Variants in RFX3 observed in about 807,000 individuals in gnomAD.
The protein encoded by RFX3 is regulatory factor X3.
Under a neutral mutation model 98.6 loss-of-function variants are expected in RFX3, and 14 were observed. That is an observed-to-expected ratio of 0.14 (90% CI 0.09 to 0.22). The LOEUF (loss-of-function observed/expected upper bound fraction) is 0.22, where lower values mean the gene tolerates loss of function less well. RFX3 is among the 10% of genes least tolerant of loss of function. The probability of loss-of-function intolerance (pLI) is 1.00; values close to 1 mark genes in which losing one functional copy is unlikely to be tolerated. For missense variants in RFX3, 639 were observed against 926.9 expected, an observed-to-expected ratio of 0.69 and a Z score of 4.03; for synonymous variants, 383 against 328.4, an observed-to-expected ratio of 1.17 and a Z score of -1.80.
intron 7 of RFX3, among the ~76,000 whole-genome samples, chr9:3,287,114 T>G (rs937432049): frequency 1.3e-5 from 2 of 151,946 alleles, no homozygotes; most frequent in African/African-American, 4.8e-5. Flanking sequence ...GTCTTATCTC[T>G]GCATGCAGGG....
At chr9:3,378,960 T>C (rs1436613773) in intron 2 of RFX3, among the ~76,000 whole-genome samples, 1 of 152,220 alleles carries the variant, frequency 6.6e-6, no homozygotes, top group African/African-American at 2.4e-5. Flanking sequence ...GAAATTATAG[T>C]TTAAAAATTG....
intron 3 of RFX3, among the ~76,000 whole-genome samples, chr9:3,344,002 T>G (rs1370792945): frequency 6.6e-6 from 1 of 152,186 alleles, no homozygotes; most frequent in Non-Finnish European, 1.5e-5. Context: ...AGAACCTACC[T>G]TACAAATGCT....
At chr9:3,296,785 CCTG>C (rs1828046401) in intron 5 of RFX3, among the ~76,000 whole-genome samples, 2 of 151,916 alleles carry the variant, frequency 1.3e-5, no homozygotes, top group South Asian at 2.1e-4. Context: ...TTGCTGTAGC[CCTG>C]CAGGTCCCAG....
intron 4 of RFX3, among the ~76,000 whole-genome samples, chr9:3,321,051 T>A (rs565627193): frequency 6.6e-6 from 1 of 151,752 alleles, no homozygotes; most frequent in Non-Finnish European, 1.5e-5. Flanking sequence ...TACAGGCATG[T>A]GCCACCAAAC....
At chr9:3,508,249 A>C (rs774848832) in intron 1 of RFX3, among the ~76,000 whole-genome samples, 1 of 151,970 alleles carries the variant, frequency 6.6e-6, no homozygotes, top group Non-Finnish European at 1.5e-5. Context: ...TCTAGTATTT[A>C]GTTACTCTGG....
intron 1 of RFX3, among the ~76,000 whole-genome samples, chr9:3,396,538 T>C (rs1840899373): frequency 6.6e-6 from 1 of 152,214 alleles, no homozygotes. Context: ...TGACTTATAA[T>C]CCTTTGGGTA....
At position 3,277,464 on chromosome 9, in the gene RFX3, A is replaced by G. The variant is rs1825380837; in HGVS notation, c.852-3T>C. On this transcript the variant is annotated splice_region_variant and splice_polypyrimidine_tract_variant and intron_variant, in intron 7 of 16. Coordinates refer to ENST00000617270, the MANE Select transcript of RFX3 (RefSeq NM_001282116.2). Reference sequence around the variant, plus strand: ...CCACTTTCTGCATAGGCTTGTACCTAAAAATATTAGATGGAAAAAAACAAA... The same window carrying G: ...CCACTTTCTGCATAGGCTTGTACCTGAAAATATTAGATGGAAAAAAACAAA... The G allele has an allele frequency of 1.9e-6, 3 of 1,609,854 alleles. No individual in the cohort carries two copies. Among genetic ancestry groups the G allele is most frequent in the Non-Finnish European group, 2.5e-6 (3 of 1,177,256 alleles).
intron 5 of RFX3, among the ~76,000 whole-genome samples, chr9:3,298,354 T>C (rs1309688291): frequency 1.3e-5 from 2 of 151,794 alleles, no homozygotes; most frequent in African/African-American, 4.8e-5. Flanking sequence ...CACATATATA[T>C]CTACTTGAAG....
At chr9:3,233,941 C>G (rs1334586032) in intron 15 of RFX3, among the ~76,000 whole-genome samples, 6 of 152,170 alleles carry the variant, frequency 3.9e-5, no homozygotes, top group Non-Finnish European at 4.4e-5. Flanking sequence ...ATCAGTCCGA[C>G]TCTACTATCC....
chr9:3,220,566 C>T lies in RFX3; in HGVS notation c.*4476G>A, dbSNP rs1156290303. The T allele has an allele frequency of 6.6e-6, 1 of 151,842 alleles. No homozygotes were observed. The highest frequency in any genetic ancestry group is 1.9e-4 in the East Asian group (1 of 5,168). 9.4% of individuals were successfully genotyped at this position (151,842 alleles called of 1,614,324 possible). A position where few individuals can be genotyped will look rare whatever the true frequency, so the allele number is the denominator to read the frequency against. The stretch of plus-strand genomic sequence containing the variant: ...AATATTTGGGAATAAATATATCAAG[C>T]CCTCTTGAAGAAAAATTAAGAGTTG... On this transcript the variant is annotated 3_prime_UTR_variant, in exon 17 of 17. Transcript: ENST00000617270.
intron 1 of RFX3, among the ~76,000 whole-genome samples, chr9:3,487,236 G>A (rs1315996365): frequency 6.6e-6 from 1 of 152,084 alleles, no homozygotes; most frequent in Non-Finnish European, 1.5e-5. Context: ...TAAATACCAG[G>A]CTTGGGGTTA....
At chr9:3,231,940 G>A (rs746946788) in intron 15 of RFX3, among the ~76,000 whole-genome samples, 14 of 152,034 alleles carry the variant, frequency 9.2e-5, no homozygotes, top group Non-Finnish European at 1.8e-4. Flanking sequence ...GGCGGAGGCA[G>A]GAGAATCACT....
intron 1 of RFX3, among the ~76,000 whole-genome samples, chr9:3,430,146 A>G (rs1844516223): frequency 6.6e-6 from 1 of 152,220 alleles, no homozygotes; most frequent in African/African-American, 2.4e-5. Context: ...AAGGGTATGT[A>G]AGAGAATAAA....
At chr9:3,264,032 C>G (rs1823280859) in intron 12 of RFX3, among the ~76,000 whole-genome samples, 2 of 152,264 alleles carry the variant, frequency 1.3e-5, no homozygotes, top group South Asian at 2.1e-4. Context: ...AGAATTCCCA[C>G]TATTGCTAGC....
intron 9 of RFX3, among the ~76,000 whole-genome samples, chr9:3,274,554 C>T (rs762906615): frequency 6.6e-6 from 1 of 152,014 alleles, no homozygotes; most frequent in Admixed American, 6.6e-5. Context: ...ATACTCAGAA[C>T]GAGAGTAGGA....
intron 1 of RFX3, among the ~76,000 whole-genome samples, chr9:3,416,542 T>C (rs1357805679): frequency 6.6e-6 from 1 of 152,160 alleles, no homozygotes; most frequent in African/African-American, 2.4e-5. Flanking sequence ...TGAGAAATTC[T>C]CAAAGTTCCC....
At chr9:3,269,667 A>T (rs1824117546) in intron 11 of RFX3, among the ~76,000 whole-genome samples, 1 of 152,174 alleles carries the variant, frequency 6.6e-6, no homozygotes, top group Admixed American at 6.6e-5. Flanking sequence ...TTAAAAAGGT[A>T]ATCTAACCTA....
At chr9:3,423,465 G>A (rs973540028) in intron 1 of RFX3, among the ~76,000 whole-genome samples, 7 of 152,102 alleles carry the variant, frequency 4.6e-5, no homozygotes, top group Non-Finnish European at 7.4e-5. Flanking sequence ...CTATTCATAT[G>A]CTATTCATAC....
In RFX3 at chr9:3,400,926, T is replaced by A. The variant is rs567985406; in HGVS notation, c.-8-5330A>T. Among the ~76,000 whole-genome samples the A allele has an allele frequency of 2.0e-5, 3 of 152,238 alleles. No homozygotes were observed. In the South Asian group the frequency reaches 6.2e-4, roughly 32 times the overall value. ...AGAAAAAGCCTGAATTCACTTGATGTCTGTCTGACTCTAAAGCACATGATG... is the reference window on the plus strand; with the variant it reads ...AGAAAAAGCCTGAATTCACTTGATGACTGTCTGACTCTAAAGCACATGATG... On this transcript the variant is annotated intron_variant, in intron 1 of 16. Coordinates refer to ENST00000617270, the MANE Select transcript of RFX3 (RefSeq NM_001282116.2).
Sources: allele counts gnomAD v4.1 joint callset (sites outside exome capture counted in the v4.1 genomes callset), GRCh38; gene constraint gnomAD v4.1.1; transcripts MANE v1.5; gene names NCBI Gene and HGNC (gene_info 2026-07-23, HGNC 2026-07-21).